Variants in GGT5 observed in about 807,000 individuals in gnomAD.
The protein encoded by GGT5 is gamma-glutamyltransferase 5.
In GGT5, 50 loss-of-function variants were observed where a neutral mutation model predicts 58.1. That is an observed-to-expected ratio of 0.86 (90% confidence interval 0.69 to 1.09). The LOEUF (loss-of-function observed/expected upper bound fraction) is 1.09. Ranked by LOEUF, GGT5 falls within the 50% of genes least tolerant of loss-of-function variation. The pLI is 0.00. For missense variants in GGT5, 800 were observed against 789.4 expected, an observed-to-expected ratio of 1.01 and a Z score of -0.16; for synonymous variants, 370 against 346.1, an observed-to-expected ratio of 1.07 and a Z score of -0.77.
In GGT5 at chr22:24,220,062, A is replaced by G. The variant is rs761335440; in HGVS notation, c.1669T>C (p.Phe557Leu). ...RGQNQTQRPFFLNVVQAVSQE... is the reference protein window; with the variant it reads ...RGQNQTQRPFLLNVVQAVSQE... Reference sequence around the variant, plus strand: ...GACACAGCCTGGACCACGTTCAGGAAGAAGGGCCTCTGGGTCTGGTTCTGG... The same window carrying G: ...GACACAGCCTGGACCACGTTCAGGAGGAAGGGCCTCTGGGTCTGGTTCTGG... Residue 557 changes from phenylalanine (F) to leucine (L), a missense_variant, in exon 12 of 12, where the codon TTC (phenylalanine) becomes CTC (leucine). Coordinates refer to ENST00000327365, the MANE Select transcript of GGT5 (RefSeq NM_004121.5). The G allele has an allele frequency of 2.5e-6, 4 of 1,614,160 alleles. No homozygotes were observed. Among genetic ancestry groups the G allele is most frequent in the Admixed American group, 1.7e-5 (1 of 60,024 alleles).
chr22:24,235,487 C>T (rs1394040839), intron 1 of GGT5, among the ~76,000 whole-genome samples: 1 of 152,098 alleles, frequency 6.6e-6, no homozygotes, highest in Non-Finnish European at 1.5e-5. Flanking sequence ...GGTGTCTGTC[C>T]TGACCTAGCA....
intron 6 of GGT5, among the ~76,000 whole-genome samples, chr22:24,228,340 A>G (rs2047837738): frequency 6.6e-6 from 1 of 152,080 alleles, no homozygotes; most frequent in African/African-American, 2.4e-5. Flanking sequence ...GGCCATCACA[A>G]TCTTACACAA....
intron 8 of GGT5, 102 bp from the exon 9 acceptor site, chr22:24,225,754 C>T (rs2047740808): frequency 1.0e-5 from 8 of 762,562 alleles, no homozygotes; most frequent in Admixed American, 1.0e-4. Flanking sequence ...TTACAGCTGC[C>T]CCGAAGCATG....
chr22:24,239,426 A>T (rs2048269880), intron 1 of GGT5, among the ~76,000 whole-genome samples: 1 of 152,144 alleles, frequency 6.6e-6, no homozygotes, highest in Non-Finnish European at 1.5e-5. Context: ...ATAGAAAATG[A>T]TATCTTGTGG....
At chr22:24,239,646 G>A (rs1453783696) in intron 1 of GGT5, among the ~76,000 whole-genome samples, 1 of 151,674 alleles carries the variant, frequency 6.6e-6, no homozygotes, top group Admixed American at 6.6e-5. Flanking sequence ...ACATAAATAA[G>A]AATAAAAACA....
At chr22:24,244,489 C>T in intron 1 of GGT5, 64 bp downstream of exon 1, 1 of 1,379,958 alleles carries the variant, frequency 7.2e-7, no homozygotes, top group Non-Finnish European at 1.0e-6. Context: ...CACACACACA[C>T]ACGCCTTCTC....
Position 24,219,924 on chromosome 22 carries a change from A to T in GGT5, c.*46T>A. 1 of 1,596,652 alleles carries T rather than the reference A, an allele frequency of 6.3e-7. No individual in the cohort carries two copies. Among genetic ancestry groups the T allele is most frequent in the South Asian group, 1.1e-5 (1 of 90,626 alleles). Reference sequence around the variant, plus strand: ...CCCCAGCCATGTCCGGCCTGGACACAGGACTCATGGTGGGGCCAGACTTCA... The same window carrying T: ...CCCCAGCCATGTCCGGCCTGGACACTGGACTCATGGTGGGGCCAGACTTCA... On this transcript the variant is annotated 3_prime_UTR_variant, in exon 12 of 12. Transcript: ENST00000327365.
At chr22:24,228,831 G>A (rs1330525136) in intron 6 of GGT5, among the ~76,000 whole-genome samples, 1 of 151,534 alleles carries the variant, frequency 6.6e-6, no homozygotes, top group African/African-American at 2.4e-5. Context: ...GGTGGCTTAT[G>A]CCTATAATCC....
Position 24,226,715 on chromosome 22 carries a change from C to G in GGT5, c.954G>C (p.Val318=), listed in dbSNP as rs775190736. ...TGAGCGTCTCTACAAGGTGGTGGTA[C>G]ACGTTCACCCTCCCTTCAGGCCTGG... ...SMARPEGRVN[V]YHHLVETLKF... is the part of the protein sequence containing the mutation. The change falls in exon 7 of 12, where the codon GTG becomes GTC. Residue 318 remains valine, a synonymous_variant. Transcript: ENST00000327365. 3.7e-6 allele frequency: 6 copies of G among 1,613,526 alleles called. No individual in the cohort carries two copies. The African/African-American group carries it at 8.0e-5, about 22-fold the overall frequency.
At chr22:24,221,160 C>A (rs2047578403) in intron 11 of GGT5, among the ~76,000 whole-genome samples, 1 of 152,228 alleles carries the variant, frequency 6.6e-6, no homozygotes, top group Non-Finnish European at 1.5e-5. Context: ...GCTGAACTAA[C>A]TTTGAGAGAA....
chr22:24,228,857 C>G (rs1280606829), intron 6 of GGT5, among the ~76,000 whole-genome samples: 2 of 151,880 alleles, frequency 1.3e-5, no homozygotes, highest in Non-Finnish European at 2.9e-5. Flanking sequence ...CTTTGGGAGG[C>G]CGAGGCAGGT....
chr22:24,222,872 T>G (rs1481681007), intron 11 of GGT5, among the ~76,000 whole-genome samples: 4 of 146,492 alleles, frequency 2.7e-5, no homozygotes, highest in African/African-American at 1.0e-4. Context: ...GGTCAGGAGA[T>G]CGAGACCATC....
rs1218231760 is a variant in GGT5 at position 24,238,947 on chromosome 22, T to TA, written c.174-4944dup. Among the ~76,000 whole-genome samples, 63 of 40,986 alleles carry TA rather than the reference T, an allele frequency of 1.5e-3. 4 individuals are homozygous for TA. The highest frequency in any genetic ancestry group is 5.6e-3 in the African/African-American group (56 of 10,062). The allele number at this position is 40,986 out of a possible 152,430, so 26.9% of individuals were successfully genotyped here. On this transcript the variant is annotated intron_variant, in intron 1 of 11. Transcript: ENST00000327365. ...TATAATATATATTATATAATATATA[T>TA]ATATATATATAATATATATATAGCC...
At chr22:24,235,050 C>CTTTTTTT (rs71189232) in intron 1 of GGT5, among the ~76,000 whole-genome samples, 2 of 75,662 alleles carry the variant, frequency 2.6e-5, no homozygotes, top group Non-Finnish European at 5.0e-5. Flanking sequence ...AAGAAGCCAG[C>CTTTTTTT]TTTTTTTTTT....
Position 24,220,004 on chromosome 22 carries a change from T to C in GGT5, c.1727A>G (p.Asp576Gly), listed in dbSNP as rs1322818677. The C allele has an allele frequency of 1.2e-6, 2 of 1,613,942 alleles. No individual in the cohort carries two copies. Among genetic ancestry groups the C allele is most frequent in the African/African-American group, 2.7e-5 (2 of 74,900 alleles). The stretch of plus-strand genomic sequence containing the variant: ...TGCGGCCTCCCCACTCTTCCTCAGG[T>C]CCGAGACGGCGTACACACAGGCCCC... ...QEGACVYAVS[D>G]LRKSGEAAGY The change falls in exon 12 of 12, where the codon GAC becomes GGC. Residue 576 changes from aspartate to glycine, a missense_variant. Physicochemically the swap from Asp to Gly is moderately conservative, Grantham distance 94 (BLOSUM62 -1). Coordinates refer to ENST00000327365, the MANE Select transcript of GGT5 (RefSeq NM_004121.5).
intron 6 of GGT5, among the ~76,000 whole-genome samples, chr22:24,227,734 C>A (rs896718837): frequency 6.6e-6 from 1 of 151,994 alleles, no homozygotes; most frequent in Admixed American, 6.6e-5. Flanking sequence ...TGCTGGCAGC[C>A]ACCGGAAGTG....
Position 24,226,601 on chromosome 22 carries a change from C to T in GGT5, c.1038+30G>A, listed in dbSNP as rs752251785. The T allele has an allele frequency of 1.9e-6, 3 of 1,611,872 alleles. No homozygotes were observed. The East Asian group carries it at 6.7e-5, about 36-fold the overall frequency. ...GTCCTGAGCCAGGGAGGAGGACGGC[C>T]CACCAGCCCAGCAACCTCAGCAACC... On this transcript the variant is annotated intron_variant, in intron 7 of 11. Coordinates refer to ENST00000327365, the MANE Select transcript of GGT5 (RefSeq NM_004121.5).
intron 11 of GGT5, among the ~76,000 whole-genome samples, chr22:24,223,182 A>G (rs989557665): frequency 1.3e-5 from 2 of 152,184 alleles, no homozygotes; most frequent in Admixed American, 1.3e-4. Flanking sequence ...TGGACAGATC[A>G]CTTGAGATTG....
intron 7 of GGT5, 68 bp from the exon 8 acceptor site, chr22:24,226,334 A>C (rs2047765357): frequency 7.7e-7 from 1 of 1,298,946 alleles, no homozygotes; most frequent in South Asian, 1.3e-5. Context: ...CAAGGGCAGG[A>C]TGAGATCAGC....
Sources: allele counts gnomAD v4.1 joint callset (sites outside exome capture counted in the v4.1 genomes callset), GRCh38; gene constraint gnomAD v4.1.1; transcripts MANE v1.5; gene names NCBI Gene and HGNC (gene_info 2026-07-23, HGNC 2026-07-21).